The following SF1 variants were observed in gnomAD, a reference collection of about 807,000 sequenced individuals.
SF1 encodes splicing factor 1, also known as branch point-binding protein.
A neutral mutation model predicts 62.5 loss-of-function variants in SF1; 7 were observed. The ratio of observed to expected loss-of-function variants is 0.11; its 90% CI spans 0.06 to 0.21. The LOEUF (loss-of-function observed/expected upper bound fraction) is 0.21. SF1 is among the 10% of genes least tolerant of loss of function. The pLI, the probability that SF1 is intolerant of heterozygous loss-of-function variation, is 1.00. For missense variants in SF1, 578 were observed against 884.0 expected (o/e 0.65, Z 4.39); for synonymous variants, 394 against 323.6 (o/e 1.22, Z -2.33).
chr11:64,776,669 G>A (rs765942387), intron 1 of SF1, 43 bp from the exon 2 acceptor site: 1 of 1,591,496 alleles, frequency 6.3e-7, no homozygotes, highest in South Asian at 1.1e-5. Context: ...AATACAAGTA[G>A]TTATCAACAG....
At position 64,769,614 on chromosome 11, in the gene SF1, A is replaced by G. The variant is rs757191456; in HGVS notation, c.480-5T>C. 52 of 1,612,124 alleles carry G rather than the reference A, an allele frequency of 3.2e-5. 1 individual carries two copies. The East Asian group carries it at 1.2e-3, about 36-fold the overall frequency. On this transcript the variant is annotated splice_polypyrimidine_tract_variant and splice_region_variant and intron_variant, in intron 5 of 12. Transcript: ENST00000377390. Reference sequence around the variant, plus strand: ...ATGTTCTTCAGGGTGTTCCCTCTAGAGAGGCAGAAATGACTAAGTTTATAC... The same window carrying G: ...ATGTTCTTCAGGGTGTTCCCTCTAGGGAGGCAGAAATGACTAAGTTTATAC...
At position 64,767,228 on chromosome 11, in the gene SF1, C is replaced by T. The variant is rs764564088; in HGVS notation, c.1366G>A (p.Val456Met). Residue 456 changes from valine (V) to methionine (M), a missense_variant, in exon 11 of 13, where the codon GTG (valine) becomes ATG (methionine). Around this residue, in one of 7 missense-constraint regions of SF1, gnomAD observed 410 missense variants for 452.4 expected, o/e 0.91. Transcript: ENST00000377390. ...PMDQYLGSTPVGSGVYRLHQG... is the reference protein window; with the variant it reads ...PMDQYLGSTPMGSGVYRLHQG... ...TGCAGGCGATAGACCCCAGAGCCCA[C>T]AGGCGTACTTCCCAGGTACTGATCT... is the stretch of plus-strand genomic sequence containing the variant. 1.2e-6 allele frequency: 2 copies of T among 1,614,158 alleles called. No homozygotes were observed. Among genetic ancestry groups the T allele is most frequent in the Admixed American group, 1.7e-5 (1 of 60,026 alleles).
At position 64,776,584 on chromosome 11, in the gene SF1, T is replaced by C; in HGVS notation, c.74A>G (p.Asp25Gly). Residue 25 changes from aspartate to glycine, a missense_variant, in exon 2 of 13, where the codon GAC (aspartate) becomes GGC (glycine). Around this residue, in one of 7 missense-constraint regions of SF1, gnomAD observed 37 missense variants for 34.6 expected, o/e 1.07. Coordinates refer to ENST00000377390, the MANE Select transcript of SF1 (RefSeq NM_004630.4). ...KKRKRSRWNQ[D>G]TMEQKTVIPG... ...AATCACTGTCTTCTGTTCCATTGTGTCTTGGTTCCAGCGGCTCCTCTTCCG... is the reference window on the plus strand; with the variant it reads ...AATCACTGTCTTCTGTTCCATTGTGCCTTGGTTCCAGCGGCTCCTCTTCCG... 6.3e-7 allele frequency: 1 copy of C among 1,592,434 alleles called. No individual in the cohort carries two copies.
chr11:64,768,297 G>A lies in SF1; in HGVS notation c.888-11C>T. On this transcript the variant is annotated splice_polypyrimidine_tract_variant and intron_variant, in intron 8 of 12. Coordinates refer to ENST00000377390, the MANE Select transcript of SF1 (RefSeq NM_004630.4). ...TGAGGATCACCAGGCCTGAAGTGGG[G>A]TGGGGGACACAAACAGAGAAAGGGG... is the stretch of plus-strand genomic sequence containing the variant. The A allele has an allele frequency of 6.2e-7, 1 of 1,611,434 alleles. No homozygotes were observed. Among genetic ancestry groups the A allele is most frequent in the Non-Finnish European group, 8.5e-7 (1 of 1,179,070 alleles).
chr11:64,766,334 G>A (rs947532583), intron 12 of SF1, 179 bp from the exon 13 acceptor site: 4 of 590,372 alleles, frequency 6.8e-6, no homozygotes, highest in Non-Finnish European at 1.2e-5. Flanking sequence ...GACTACCCTG[G>A]GGTCAGCCTC....
At chr11:64,767,922 G>T in intron 9 of SF1, 78 bp from the exon 10 acceptor site, 1 of 1,547,474 alleles carries the variant, frequency 6.5e-7, no homozygotes, top group South Asian at 1.2e-5. Flanking sequence ...TATGACACAG[G>T]ACCAGAACAC....
At chr11:64,771,922 G>A in intron 3 of SF1, 1 of 985,354 alleles carries the variant, frequency 1.0e-6, no homozygotes, top group Middle Eastern at 5.2e-4. Context: ...ATAGAAGGGA[G>A]GAAAAACCCT....
In SF1 at chr11:64,765,234, G is replaced by A. The variant is rs115615897; in HGVS notation, c.*584C>T. 2.1e-6 allele frequency: 1 copy of A among 467,536 alleles called. No homozygotes were observed. Among genetic ancestry groups the A allele is most frequent in the Admixed American group, 3.8e-5 (1 of 26,442 alleles). 29.0% of individuals were successfully genotyped at this position (467,536 alleles called of 1,614,324 possible). A position where few individuals can be genotyped will look rare whatever the true frequency, so the allele number is the denominator to read the frequency against. ...AAGGAGAACTGGAGAGAAGGGAAAG[G>A]AATCTAAATTGCAGCAGAAGACCGG... On this transcript the variant is annotated 3_prime_UTR_variant, in exon 13 of 13. Coordinates refer to ENST00000377390, the MANE Select transcript of SF1 (RefSeq NM_004630.4).
rs899960802 is a variant in SF1, at chr11:64,765,799, A to G, written c.*19T>C. 1.7e-5 allele frequency: 26 copies of G among 1,527,946 alleles called. 1 individual carries two copies. In the East Asian group the frequency reaches 5.4e-4, roughly 32 times the overall value. The allele number at this position is 1,527,946 out of a possible 1,614,324, so 94.6% of individuals were successfully genotyped here. On this transcript the variant is annotated 3_prime_UTR_variant, in exon 13 of 13. Coordinates refer to ENST00000377390, the MANE Select transcript of SF1 (RefSeq NM_004630.4). ...CCAATTCTCTCTATATATAATATAT[A>G]TTTTCTTAAAAAACAAGTCTAGTTC...
Position 64,765,980 on chromosome 11 carries a change from C to CGGCGGA in SF1, c.1752_1757dup (p.Pro589_Pro590dup). The CGGCGGA allele has an allele frequency of 8.7e-6, 11 of 1,265,638 alleles. No homozygotes were observed. The highest frequency in any genetic ancestry group is 1.1e-5 in the Non-Finnish European group (11 of 977,976). The allele number at this position is 1,265,638 out of a possible 1,614,324, so 78.4% of individuals were successfully genotyped here. On this transcript the variant is annotated inframe_insertion, in exon 13 of 13. Transcript: ENST00000377390. ...TGCCGGCGGAACCAGGCGGTGGAGG[C>CGGCGGA]GGCGGAGGGGGAGGGGCCCCAGGCG...
At chr11:64,773,636 C>T (rs1013351443) in intron 2 of SF1, 131 bp from the exon 3 acceptor site, 39 of 1,036,284 alleles carry the variant, frequency 3.8e-5, no homozygotes, top group Non-Finnish European at 1.5e-5. Flanking sequence ...TCAGTGAACA[C>T]ATTGAAGCAA....
At chr11:64,768,931 T>G (rs1937822487) in intron 8 of SF1, 91 bp downstream of exon 8, 1 of 874,506 alleles carries the variant, frequency 1.1e-6, no homozygotes, top group African/African-American at 1.6e-5. Context: ...GATGTTTCTC[T>G]TGGTAAGATT....
At chr11:64,773,270 G>A in intron 3 of SF1, 160 bp downstream of exon 3, 1 of 1,440,882 alleles carries the variant, frequency 6.9e-7, no homozygotes, top group South Asian at 1.5e-5. Flanking sequence ...ACTGTTGACT[G>A]ACCATACATA....
intron 2 of SF1, 55 bp from the exon 3 acceptor site, chr11:64,773,560 C>G (rs1427305825): frequency 1.3e-6 from 2 of 1,562,140 alleles, no homozygotes; most frequent in Non-Finnish European, 1.7e-6. Context: ...GACAATGTTA[C>G]CAATAAACAT....
chr11:64,767,198 C>T lies in SF1; in HGVS notation c.1396G>A (p.Gly466Arg), dbSNP rs567836460. 7 of 1,614,112 alleles carry T rather than the reference C, an allele frequency of 4.3e-6. No homozygotes were observed. The South Asian group carries it at 6.6e-5, about 15-fold the overall frequency. Residue 466 changes from glycine to arginine, a missense_variant, in exon 11 of 13, where the codon GGA becomes AGA. Physicochemically the swap from Gly to Arg is moderately radical, Grantham distance 125. Transcript: ENST00000377390. ...GCCAGCAGACAGCCATTACCTTTTC[C>T]TTGATGCAGGCGATAGACCCCAGAG... ...VGSGVYRLHQ[G>R]KGMMPPPPMG...
intron 4 of SF1, 88 bp from the exon 5 acceptor site, chr11:64,770,141 C>CTAA (rs1938073725): frequency 6.5e-7 from 1 of 1,546,238 alleles, no homozygotes; most frequent in East Asian, 2.2e-5. Flanking sequence ...GTACCAAGTG[C>CTAA]TAATTATGGG....
At chr11:64,767,309 A>AC in intron 10 of SF1, 58 bp from the exon 11 acceptor site, 1 of 1,532,030 alleles carries the variant, frequency 6.5e-7, no homozygotes, top group Non-Finnish European at 9.0e-7. Flanking sequence ...CAGGGAAGCC[A>AC]CCCCTGTGAT....
intron 3 of SF1, among the ~76,000 whole-genome samples, chr11:64,771,161 C>A (rs1938258260): frequency 6.6e-6 from 1 of 152,174 alleles, no homozygotes; most frequent in Non-Finnish European, 1.5e-5. Context: ...AGGGGAAAAC[C>A]TATGATTCTC....
rs754767301 is a variant in SF1, at chr11:64,765,962, G to A, written c.1776C>T (p.Ser592=). Residue 592 remains serine (S), a synonymous_variant, in exon 13 of 13, where the codon TCC becomes TCT. Coordinates refer to ENST00000377390, the MANE Select transcript of SF1 (RefSeq NM_004630.4). ...PPPPPPPPPG[S]AGMMYAPPPP... ...GGGGCGGGGCATACATCATGCCGGC[G>A]GAACCAGGCGGTGGAGGCGGCGGAG... The A allele has an allele frequency of 3.5e-5, 56 of 1,591,838 alleles. No homozygotes were observed. Among genetic ancestry groups the A allele is most frequent in the South Asian group, 1.1e-4 (10 of 89,226 alleles).
Sources: allele counts gnomAD v4.1 joint callset (sites outside exome capture counted in the v4.1 genomes callset), GRCh38; gene constraint gnomAD v4.1.1; regional missense constraint gnomAD v4.1.1; transcripts MANE v1.5; gene names NCBI Gene and HGNC (gene_info 2026-07-23, HGNC 2026-07-21).